The following COL24A1 variants were observed in gnomAD, a reference collection of about 807,000 sequenced individuals.
COL24A1 encodes collagen type XXIV alpha 1 chain.
In COL24A1, 224 loss-of-function variants were observed where a neutral mutation model predicts 253.9. The ratio of observed to expected loss-of-function variants is 0.88; its 90% CI spans 0.79 to 0.99. The LOEUF (loss-of-function observed/expected upper bound fraction) is 0.99, where lower values mean the gene tolerates loss of function less well. COL24A1 is among the 50% of genes least tolerant of loss of function. The pLI is 0.00. For missense variants in COL24A1, 2,131 were observed against 2,068.5 expected (o/e 1.03, Z -0.59); for synonymous variants, 685 against 673.7 (o/e 1.02, Z -0.26).
intron 24 of COL24A1, among the ~76,000 whole-genome samples, chr1:85,921,683 C>G (rs933756817): frequency 1.3e-5 from 2 of 152,158 alleles, no homozygotes; most frequent in African/African-American, 2.4e-5. Context: ...TCATCAAAGA[C>G]CAAAGGTAGA....
intron 7 of COL24A1, among the ~76,000 whole-genome samples, chr1:86,083,745 C>T (rs1276502946): frequency 6.6e-6 from 1 of 152,112 alleles, no homozygotes; most frequent in South Asian, 2.1e-4. Context: ...CTTTGAGAAG[C>T]AAGCCAAGGT....
intron 5 of COL24A1, among the ~76,000 whole-genome samples, chr1:86,104,619 C>T (rs1410864041): frequency 6.6e-6 from 1 of 152,144 alleles, no homozygotes; most frequent in Non-Finnish European, 1.5e-5. Context: ...AGTCAACTGG[C>T]CTCATTTCTG....
At chr1:86,064,989 A>T (rs1418045552) in intron 7 of COL24A1, among the ~76,000 whole-genome samples, 1 of 152,224 alleles carries the variant, frequency 6.6e-6, no homozygotes. Flanking sequence ...TTCCACAAGT[A>T]AAAATATCCA....
chr1:85,964,572 T>G (rs1691380231), intron 23 of COL24A1, among the ~76,000 whole-genome samples: 1 of 152,104 alleles, frequency 6.6e-6, no homozygotes, highest in Admixed American at 6.6e-5. Context: ...TAGATACAGA[T>G]ACAGACATAA....
At chr1:85,969,296 T>C (rs1691880524) in intron 22 of COL24A1, among the ~76,000 whole-genome samples, 1 of 152,044 alleles carries the variant, frequency 6.6e-6, no homozygotes, top group Admixed American at 6.6e-5. Context: ...TTTTTAAACG[T>C]AAAAGCATTT....
intron 9 of COL24A1, among the ~76,000 whole-genome samples, chr1:86,058,910 A>G (rs1418243748): frequency 6.6e-6 from 1 of 152,162 alleles, no homozygotes; most frequent in African/African-American, 2.4e-5. Flanking sequence ...CATCACATCA[A>G]ACATATTTAA....
intron 2 of COL24A1, among the ~76,000 whole-genome samples, chr1:86,128,620 G>A (rs544904746): frequency 6.5e-4 from 99 of 151,900 alleles, no homozygotes; most frequent in African/African-American, 2.2e-3. Context: ...AAATATCATT[G>A]GGAGGAGTAT....
intron 7 of COL24A1, among the ~76,000 whole-genome samples, chr1:86,081,162 G>A (rs1182685013): frequency 6.6e-6 from 1 of 152,082 alleles, no homozygotes; most frequent in Admixed American, 6.6e-5. Context: ...TTGCCTTCTT[G>A]TTGTTGTCTA....
chr1:85,747,316 G>A (rs1665344585), intron 55 of COL24A1, among the ~76,000 whole-genome samples: 1 of 151,712 alleles, frequency 6.6e-6, no homozygotes, highest in Admixed American at 6.6e-5. Flanking sequence ...GTTTCACCAT[G>A]TTGGCCAGGC....
At chr1:86,005,570 A>C (rs1695870286) in intron 19 of COL24A1, among the ~76,000 whole-genome samples, 2 of 152,252 alleles carry the variant, frequency 1.3e-5, no homozygotes, top group South Asian at 4.1e-4. Flanking sequence ...TCTACTGAAC[A>C]CATTTAAAGT....
intron 43 of COL24A1, among the ~76,000 whole-genome samples, chr1:85,835,314 T>A (rs1675879575): frequency 1.3e-5 from 2 of 152,010 alleles, no homozygotes; most frequent in Non-Finnish European, 1.5e-5. Flanking sequence ...TGTATTTTAG[T>A]AGAGATGGGG....
intron 58 of COL24A1, chr1:85,736,178 T>A: frequency 2.5e-6 from 1 of 392,780 alleles, no homozygotes; most frequent in Non-Finnish European, 5.1e-6. Context: ...GCAGGCCCTC[T>A]GGTGGATCAC....
rs565959895 is a variant in COL24A1 at position 86,142,327 on chromosome 1, T to A, written c.121+3792A>T. 5.3e-5 allele frequency among the ~76,000 whole-genome samples: 8 copies of A among 151,602 alleles called. No individual in the cohort carries two copies. The East Asian group carries it at 1.6e-3, about 30-fold the overall frequency. ...TCACGAGATCAGGAGATCGAGACCA[T>A]CCTGGCTAACACGGTGAAACCCTGT... is the stretch of plus-strand genomic sequence containing the variant. On this transcript the variant is annotated intron_variant, in intron 2 of 59. Transcript: ENST00000370571.
At chr1:85,983,799 G>A (rs1236580252) in intron 20 of COL24A1, among the ~76,000 whole-genome samples, 1 of 151,654 alleles carries the variant, frequency 6.6e-6, no homozygotes, top group Non-Finnish European at 1.5e-5. Context: ...AAAATGAGAA[G>A]GACCAAGAAG....
At chr1:86,102,232 T>C (rs9988602) in intron 5 of COL24A1, among the ~76,000 whole-genome samples, 47,763 of 151,952 alleles carry the variant, frequency 0.31, 8,490 homozygotes, top group Non-Finnish European at 0.39. Context: ...TCAGTGGTAA[T>C]ATCCCCTTTG....
rs1438825840 is a variant in COL24A1 at position 86,125,966 on chromosome 1, T to C, written c.370A>G (p.Ser124Gly). 6.2e-7 allele frequency: 1 copy of C among 1,613,590 alleles called. No individual in the cohort carries two copies. The highest frequency in any genetic ancestry group is 1.1e-5 in the South Asian group (1 of 91,084). The change falls in exon 3 of 60, where the codon AGC becomes GGC. Residue 124 changes from serine (S) to glycine (G), a missense_variant. Ser to Gly is a moderately conservative substitution (Grantham distance 56). Transcript: ENST00000370571. ...SHRVNNAFLF[S>G]IRNKNRLQLG... is the part of the protein sequence containing the mutation. ...TGCAGTCTATTTTTATTTCTAATGC[T>C]GAAGAGAAATGCATTGTTCACCCGA...
intron 24 of COL24A1, among the ~76,000 whole-genome samples, chr1:85,949,066 T>C (rs1416285949): frequency 6.6e-6 from 1 of 152,194 alleles, no homozygotes. Context: ...TATCTTCTAC[T>C]ATACTATGAA....
intron 47 of COL24A1, among the ~76,000 whole-genome samples, chr1:85,803,482 A>G (rs190581576): frequency 6.6e-6 from 1 of 151,822 alleles, no homozygotes; most frequent in Admixed American, 6.6e-5. Context: ...CAAAAACAAC[A>G]ATATAGAGTC....
intron 22 of COL24A1, among the ~76,000 whole-genome samples, chr1:85,965,691 T>G (rs1193526882): frequency 6.6e-6 from 1 of 152,006 alleles, no homozygotes; most frequent in Non-Finnish European, 1.5e-5. Context: ...CTGGGGGAGT[T>G]GGCAGTTTGG....
Sources: gnomAD v4.1 joint callset for allele counts (sites outside exome capture counted in the v4.1 genomes callset) on GRCh38, gnomAD v4.1.1 for gene constraint, MANE v1.5 for transcripts, NCBI Gene and HGNC (gene_info 2026-07-23, HGNC 2026-07-21) for gene names.